The following NKAIN2 variants were observed in gnomAD, a reference collection of about 807,000 sequenced individuals.
The protein encoded by NKAIN2 is sodium/potassium transporting ATPase interacting 2.
NKAIN2 carries 14 observed loss-of-function variants against 32.6 expected under a neutral mutation model. The ratio of observed to expected loss-of-function variants is 0.43; its 90% CI spans 0.28 to 0.67. The LOEUF is 0.67. Among genes scored for constraint, NKAIN2 ranks in the 30% least tolerant of loss-of-function variants. The pLI, the probability that NKAIN2 is intolerant of heterozygous loss-of-function variation, is 0.17. For synonymous variants in NKAIN2, 80 were observed against 87.2 expected (o/e 0.92, Z 0.46); for missense variants, 198 against 258.3 (o/e 0.77, Z 1.60).
At chr6:124,588,073 G>A (rs907123677) in intron 3 of NKAIN2, among the ~76,000 whole-genome samples, 7 of 152,080 alleles carry the variant, frequency 4.6e-5, no homozygotes, top group Non-Finnish European at 7.4e-5. Flanking sequence ...TATAGGTTCC[G>A]CTGCAATATT....
intron 3 of NKAIN2, among the ~76,000 whole-genome samples, chr6:124,522,637 C>A (rs1444347724): frequency 6.6e-6 from 1 of 152,134 alleles, no homozygotes; most frequent in Non-Finnish European, 1.5e-5. Flanking sequence ...TAGGAAGACA[C>A]AAACTGTCCA....
chr6:123,893,977 T>G (rs1342338843), intron 1 of NKAIN2, among the ~76,000 whole-genome samples: 1 of 152,196 alleles, frequency 6.6e-6, no homozygotes, highest in Non-Finnish European at 1.5e-5. Flanking sequence ...TTTAGGTTCA[T>G]TTATCTTAAA....
At chr6:124,653,025 G>A (rs367960927) in intron 3 of NKAIN2, among the ~76,000 whole-genome samples, 8 of 152,190 alleles carry the variant, frequency 5.3e-5, no homozygotes, top group Middle Eastern at 3.4e-3. Context: ...ATAAATAATC[G>A]TGTGAAATTC....
At chr6:124,629,180 T>C (rs1783467883) in intron 3 of NKAIN2, among the ~76,000 whole-genome samples, 1 of 152,144 alleles carries the variant, frequency 6.6e-6, no homozygotes, top group African/African-American at 2.4e-5. Flanking sequence ...AATAAGTACC[T>C]TTTCATTTCC....
chr6:124,761,083 A>G (rs1028714518), intron 4 of NKAIN2, among the ~76,000 whole-genome samples: 2 of 152,158 alleles, frequency 1.3e-5, no homozygotes, highest in African/African-American at 4.8e-5. Context: ...TGTTAATTCA[A>G]TGTAAGAGTT....
chr6:123,874,060 G>T (rs1377558526), intron 1 of NKAIN2, among the ~76,000 whole-genome samples: 1 of 152,068 alleles, frequency 6.6e-6, no homozygotes, highest in Non-Finnish European at 1.5e-5. Flanking sequence ...GGAGTATCTT[G>T]TCTCATTGAT....
intron 4 of NKAIN2, among the ~76,000 whole-genome samples, chr6:124,718,043 T>G (rs1236598861): frequency 1.3e-5 from 2 of 152,072 alleles, no homozygotes; most frequent in Non-Finnish European, 2.9e-5. Context: ...AACAACAGAG[T>G]CATTGCACGT....
chr6:124,072,480 A>T (rs114228000), intron 1 of NKAIN2, among the ~76,000 whole-genome samples: 3,704 of 152,254 alleles, frequency 0.024, 101 homozygotes, highest in African/African-American at 0.065. Context: ...AAATTATTTT[A>T]AAAAATAACA....
At chr6:124,358,144 A>G (rs1208173036) in intron 3 of NKAIN2, among the ~76,000 whole-genome samples, 1 of 152,162 alleles carries the variant, frequency 6.6e-6, no homozygotes, top group African/African-American at 2.4e-5. Context: ...CATGATGTAT[A>G]TGTGCCACAT....
rs567137598 is a variant in NKAIN2 at position 124,582,094 on chromosome 6, G to A, written c.274-76092G>A. On this transcript the variant is annotated intron_variant, in intron 3 of 6. Transcript: ENST00000368417. ...AATGAAAAGTTGGTTTTTTTTTTGC[G>A]ACGATAAACAAAATCAACAAACCTT... is the stretch of plus-strand genomic sequence containing the variant. 6.7e-5 allele frequency among the ~76,000 whole-genome samples: 10 copies of A among 150,060 alleles called. No homozygotes were observed. In the South Asian group the frequency reaches 1.0e-3, roughly 16 times the overall value.
intron 1 of NKAIN2, among the ~76,000 whole-genome samples, chr6:123,969,666 A>G (rs970400670): frequency 6.6e-6 from 1 of 152,218 alleles, no homozygotes; most frequent in Non-Finnish European, 1.5e-5. Flanking sequence ...TTATCAGGAA[A>G]GCAAAAGCTT....
chr6:124,800,184 TC>T (rs1780185736), intron 5 of NKAIN2, among the ~76,000 whole-genome samples: 3 of 152,160 alleles, frequency 2.0e-5, no homozygotes, highest in Admixed American at 2.0e-4. Context: ...GGTGCCCACT[TC>T]CTTATGCCCG....
chr6:124,566,507 CT>C (rs35619429), intron 3 of NKAIN2, among the ~76,000 whole-genome samples: 2 of 152,054 alleles, frequency 1.3e-5, no homozygotes. Context: ...TCCATGAATG[CT>C]TTTTTCCTCC....
intron 4 of NKAIN2, among the ~76,000 whole-genome samples, chr6:124,775,490 C>T (rs1397539552): frequency 1.3e-5 from 2 of 152,168 alleles, no homozygotes; most frequent in Non-Finnish European, 2.9e-5. Flanking sequence ...TATTCAAGTT[C>T]TGAATTAATT....
At chr6:124,357,101 T>G (rs570148022) in intron 3 of NKAIN2, among the ~76,000 whole-genome samples, 40 of 152,250 alleles carry the variant, frequency 2.6e-4, no homozygotes, top group African/African-American at 8.2e-4. Flanking sequence ...ATTCTTCCAA[T>G]GTACATGGGC....
intron 3 of NKAIN2, among the ~76,000 whole-genome samples, chr6:124,432,276 C>A (rs1033552632): frequency 2.6e-5 from 4 of 152,128 alleles, no homozygotes; most frequent in African/African-American, 7.2e-5. Flanking sequence ...ATCTGTAATG[C>A]CCCTCACAGG....
Position 123,965,207 on chromosome 6 carries a change from G to A in NKAIN2, c.54+160953G>A, listed in dbSNP as rs1401900140. Among the ~76,000 whole-genome samples the A allele has an allele frequency of 3.9e-5, 6 of 152,102 alleles. No individual in the cohort carries two copies. The South Asian group carries it at 6.2e-4, about 16-fold the overall frequency. ...GTTAGCTCTGTAGTTACGGAACCTAGAAGAGTCCACAGATAACCAGAGGTG... is the reference window on the plus strand; with the variant it reads ...GTTAGCTCTGTAGTTACGGAACCTAAAAGAGTCCACAGATAACCAGAGGTG... On this transcript the variant is annotated intron_variant, in intron 1 of 6. Transcript: ENST00000368417.
intron 1 of NKAIN2, among the ~76,000 whole-genome samples, chr6:123,955,875 G>A (rs1334458028): frequency 1.3e-5 from 2 of 152,056 alleles, no homozygotes; most frequent in Admixed American, 6.6e-5. Flanking sequence ...CAGTCCTCCT[G>A]CCTTGGCCTC....
intron 3 of NKAIN2, among the ~76,000 whole-genome samples, chr6:124,473,783 A>G (rs1330780335): frequency 1.3e-5 from 2 of 152,156 alleles, no homozygotes; most frequent in Non-Finnish European, 2.9e-5. Context: ...CTCACATACA[A>G]TAATTCATCT....
Sources: gnomAD v4.1 joint callset for allele counts (sites outside exome capture counted in the v4.1 genomes callset) on GRCh38, gnomAD v4.1.1 for gene constraint, MANE v1.5 for transcripts, NCBI Gene and HGNC (gene_info 2026-07-23, HGNC 2026-07-21) for gene names.